The following SACM1L variants were observed in gnomAD, a reference collection of about 807,000 sequenced individuals.
SACM1L encodes the protein SAC1 like phosphatidylinositide phosphatase.
Under a neutral mutation model 89.5 loss-of-function variants are expected in SACM1L, and 32 were observed. That is an observed-to-expected ratio of 0.36 (90% CI 0.27 to 0.48). The LOEUF (loss-of-function observed/expected upper bound fraction) is 0.48, where lower values mean the gene tolerates loss of function less well. Among genes scored for constraint, SACM1L ranks in the 20% least tolerant of loss-of-function variants. SACM1L has a pLI of 0.99. For missense variants in SACM1L, 543 were observed against 708.5 expected, an observed-to-expected ratio of 0.77 and a Z score of 2.65; for synonymous variants, 213 against 232.8, an observed-to-expected ratio of 0.92 and a Z score of 0.77.
chr3:45,718,294 T>TAAAAA (rs5848764), intron 7 of SACM1L, among the ~76,000 whole-genome samples: 1 of 148,418 alleles, frequency 6.7e-6, no homozygotes, highest in Non-Finnish European at 1.5e-5. Flanking sequence ...CCTGTTATGT[T>TAAAAA]AAAAAAAAAA....
Position 45,699,150 on chromosome 3 carries a change from A to G in SACM1L, c.33-4288A>G, listed in dbSNP as rs547672852. 3.3e-5 allele frequency among the ~76,000 whole-genome samples: 5 copies of G among 152,314 alleles called. No homozygotes were observed. In the South Asian group the frequency reaches 8.3e-4, roughly 25 times the overall value. On this transcript the variant is annotated intron_variant, in intron 1 of 19. Transcript: ENST00000389061. ...AAGTAAGTAGTATACAAAGCTTATA[A>G]TAACAGAGGCATCTACTTTTTTAAG...
At chr3:45,697,811 G>A (rs935771996) in intron 1 of SACM1L, among the ~76,000 whole-genome samples, 1 of 152,120 alleles carries the variant, frequency 6.6e-6, no homozygotes, top group East Asian at 1.9e-4. Flanking sequence ...GTGAATTGGA[G>A]GCTAATCACC....
chr3:45,705,421 T>A (rs1156349285), intron 3 of SACM1L, among the ~76,000 whole-genome samples: 1 of 152,124 alleles, frequency 6.6e-6, no homozygotes, highest in Non-Finnish European at 1.5e-5. Context: ...AAAAAAAGTT[T>A]TGTATTTTGT....
At chr3:45,719,788 A>G (rs1283957211) in intron 8 of SACM1L, among the ~76,000 whole-genome samples, 187 bp downstream of exon 8, 1 of 152,204 alleles carries the variant, frequency 6.6e-6, no homozygotes, top group African/African-American at 2.4e-5. Flanking sequence ...TACATTGCAA[A>G]TGTTAATGTG....
intron 5 of SACM1L, among the ~76,000 whole-genome samples, chr3:45,712,811 T>TAGG (rs1553652320): frequency 2.4e-5 from 1 of 42,070 alleles, no homozygotes; most frequent in East Asian, 3.3e-4. Context: ...GAAGGTGTGT[T>TAGG]AGTTAGGCTG....
rs752491946 is a variant in SACM1L at position 45,722,857 on chromosome 3, CT to C, written c.766-8del. Reference sequence around the variant, plus strand: ...TTTGTGTTTCTTTTCACATTTCTCTCTTTTCTTTTAGACTCGAGGATCAATA... The same window carrying C: ...TTTGTGTTTCTTTTCACATTTCTCTCTTTCTTTTAGACTCGAGGATCAATA... On this transcript the variant is annotated splice_polypyrimidine_tract_variant and intron_variant, in intron 9 of 19. Coordinates refer to ENST00000389061, the MANE Select transcript of SACM1L (RefSeq NM_014016.5). 1 of 1,596,610 alleles carries C rather than the reference CT, an allele frequency of 6.3e-7. No homozygotes were observed. The highest frequency in any genetic ancestry group is 1.1e-5 in the South Asian group (1 of 90,498).
chr3:45,692,859 T>G (rs1698028505), intron 1 of SACM1L, among the ~76,000 whole-genome samples: 2 of 152,248 alleles, frequency 1.3e-5, no homozygotes, highest in African/African-American at 4.8e-5. Flanking sequence ...CAATCCATAG[T>G]ACTGTTTGAA....
At chr3:45,721,796 C>T (rs1003452260) in intron 8 of SACM1L, among the ~76,000 whole-genome samples, 2 of 152,028 alleles carry the variant, frequency 1.3e-5, no homozygotes, top group East Asian at 1.9e-4. Flanking sequence ...TTTTAATACT[C>T]CTCTTTAAGC....
At chr3:45,696,828 G>A (rs1215769190) in intron 1 of SACM1L, among the ~76,000 whole-genome samples, 1 of 152,006 alleles carries the variant, frequency 6.6e-6, no homozygotes, top group Non-Finnish European at 1.5e-5. Context: ...CTAGAAAATC[G>A]CAATGCCAAC....
intron 19 of SACM1L, 101 bp from the exon 20 acceptor site, chr3:45,743,432 G>A: frequency 8.4e-7 from 1 of 1,186,558 alleles, no homozygotes; most frequent in Non-Finnish European, 1.2e-6. Flanking sequence ...CTGTGAATGT[G>A]CTAGTAAACT....
In SACM1L at chr3:45,738,633, C is replaced by A. The variant is rs758728644; in HGVS notation, c.1438C>A (p.Arg480=). The change falls in exon 17 of 20, where the codon CGA becomes AGA. Residue 480 remains arginine, a synonymous_variant. Coordinates refer to ENST00000389061, the MANE Select transcript of SACM1L (RefSeq NM_014016.5). ...LIMDGWNSMI[R]YYKNNFSDGF... is the part of the protein sequence containing the mutation. ...AATGGATGGCTGGAACTCAATGATA[C>A]GATATTATAAGAACAACTTTTCCGA... is the stretch of plus-strand genomic sequence containing the variant. 5.0e-6 allele frequency: 8 copies of A among 1,612,448 alleles called. No individual in the cohort carries two copies. In the South Asian group the frequency reaches 8.8e-5, roughly 18 times the overall value.
chr3:45,724,426 G>C (rs965357081), intron 11 of SACM1L, among the ~76,000 whole-genome samples: 1 of 151,942 alleles, frequency 6.6e-6, no homozygotes, highest in Admixed American at 6.6e-5. Context: ...CTTTGCATGT[G>C]CTCATTGGCC....
intron 11 of SACM1L, among the ~76,000 whole-genome samples, chr3:45,726,145 T>C (rs1049611682): frequency 3.3e-5 from 5 of 152,130 alleles, no homozygotes; most frequent in African/African-American, 1.2e-4. Flanking sequence ...TAAAGGATAT[T>C]GGCCTGTAGT....
intron 11 of SACM1L, among the ~76,000 whole-genome samples, chr3:45,724,915 A>G (rs1698883020): frequency 6.6e-6 from 1 of 152,136 alleles, no homozygotes; most frequent in Non-Finnish European, 1.5e-5. Flanking sequence ...ATGGCTATCC[A>G]GTTTTCCCAG....
rs765298107 is a variant in SACM1L at position 45,713,135 on chromosome 3, A to T, written c.484-2A>T. Reference sequence around the variant, plus strand: ...TTTATTAAATTTTAAAACTTCTCTCAGGCAGATCAGCGGTTTGTATGGAAT... The same window carrying T: ...TTTATTAAATTTTAAAACTTCTCTCTGGCAGATCAGCGGTTTGTATGGAAT... On this transcript the variant is annotated splice_acceptor_variant, in intron 5 of 19. Coordinates refer to ENST00000389061, the MANE Select transcript of SACM1L (RefSeq NM_014016.5). LOFTEE classifies it high-confidence loss of function. 6.2e-7 allele frequency: 1 copy of T among 1,610,972 alleles called. No homozygotes were observed. The highest frequency in any genetic ancestry group is 8.5e-7 in the Non-Finnish European group (1 of 1,178,240).
intron 1 of SACM1L, among the ~76,000 whole-genome samples, chr3:45,700,963 C>T (rs994275194): frequency 2.0e-5 from 3 of 152,184 alleles, no homozygotes; most frequent in Non-Finnish European, 4.4e-5. Flanking sequence ...TGAGCCACCG[C>T]GCCCAGCCTC....
chr3:45,713,972 A>G, intron 6 of SACM1L, 74 bp from the exon 7 acceptor site: 1 of 744,270 alleles, frequency 1.3e-6, no homozygotes. Flanking sequence ...TTACCTCCCT[A>G]TGTGTAAATA....
At chr3:45,723,230 A>T (rs568486942) in intron 10 of SACM1L, among the ~76,000 whole-genome samples, 13 of 152,272 alleles carry the variant, frequency 8.5e-5, no homozygotes, top group African/African-American at 3.1e-4. Context: ...TAGGGTACTT[A>T]ATATATTCCA....
At chr3:45,731,012 G>A (rs1422909512) in intron 11 of SACM1L, among the ~76,000 whole-genome samples, 2 of 152,198 alleles carry the variant, frequency 1.3e-5, no homozygotes, top group Non-Finnish European at 2.9e-5. Flanking sequence ...TAAGACTAAG[G>A]TTGTCACCAC....
Sources: allele counts gnomAD v4.1 joint callset (sites outside exome capture counted in the v4.1 genomes callset), GRCh38; gene constraint gnomAD v4.1.1; transcripts MANE v1.5; gene names NCBI Gene and HGNC (gene_info 2026-07-23, HGNC 2026-07-21).